The following SHROOM2 variants were observed in gnomAD, a reference collection of about 807,000 sequenced individuals.
SHROOM2 encodes shroom family member 2, also known as protein Shroom2.
SHROOM2 carries 33 observed loss-of-function variants against 75.9 expected under a neutral mutation model. The observed-to-expected ratio is 0.43, with a 90% CI of 0.33 to 0.58. The LOEUF is 0.58. SHROOM2 is among the 20% of genes least tolerant of loss of function. SHROOM2 has a pLI of 0.04. For missense variants in SHROOM2, 1,434 were observed against 1,461.2 expected, an observed-to-expected ratio of 0.98 and a Z score of 0.30; for synonymous variants, 655 against 663.6, an observed-to-expected ratio of 0.99 and a Z score of 0.20.
At chrX:9,817,427 G>A (rs1168368358) in intron 1 of SHROOM2, among the ~76,000 whole-genome samples, 3 of 110,260 alleles carry the variant, frequency 2.7e-5, no homozygotes, top group African/African-American at 6.6e-5. Context: ...TTTTTTAATT[G>A]TACCCCAAAG....
At chrX:9,908,153 G>C (rs758973176) in intron 5 of SHROOM2, among the ~76,000 whole-genome samples, 4 of 112,784 alleles carry the variant, frequency 3.5e-5, no homozygotes, top group Non-Finnish European at 7.5e-5. Flanking sequence ...TCCAAGTAGA[G>C]GGGGCTGTAG....
intron 3 of SHROOM2, among the ~76,000 whole-genome samples, chrX:9,893,095 A>ATAT (rs200771047): frequency 1.4e-3 from 154 of 108,803 alleles, no homozygotes; most frequent in East Asian, 8.3e-3. Context: ...GCAGTGTGTG[A>ATAT]TATTATTATT....
rs758068903 is a variant in SHROOM2, at chrX:9,873,738, G to T, written c.252G>T (p.Gly84=). The T allele has an allele frequency of 8.3e-7, 1 of 1,209,767 alleles. No homozygotes were observed. The highest frequency in any genetic ancestry group is 1.1e-6 in the Non-Finnish European group (1 of 895,098). Residue 84 remains glycine (G), a synonymous_variant, in exon 2 of 10, where the codon GGG becomes GGT. Transcript: ENST00000380913. ...GCATCAATGACATTGGTCTCTCAGGGTTTAGACAGGAAGCGATTTGCCTGG... is the reference window on the plus strand; with the variant it reads ...GCATCAATGACATTGGTCTCTCAGGTTTTAGACAGGAAGCGATTTGCCTGG... ...IVGINDIGLS[G]FRQEAICLVK... is the part of the protein sequence containing the mutation.
chrX:9,944,694 C>T lies in SHROOM2; in HGVS notation c.4365C>T (p.Arg1455=), dbSNP rs770146428. The change falls in exon 9 of 10, where the codon CGC becomes CGT. Residue 1455 remains arginine, a synonymous_variant. Transcript: ENST00000380913. ...SRKLQVLREA[R]ESLLEDVQAN... ...AGCTGCAGGTGCTCCGGGAGGCCCG[C>T]GAGAGCCTGCTGGAGGACGTGCAGG... 5 of 1,210,833 alleles carry T rather than the reference C, an allele frequency of 4.1e-6. No individual in the cohort carries two copies. In the South Asian group the frequency reaches 5.3e-5, roughly 13 times the overall value.
intron 1 of SHROOM2, among the ~76,000 whole-genome samples, chrX:9,788,081 T>C (rs756756312): frequency 2.7e-5 from 3 of 109,359 alleles, no homozygotes; most frequent in Non-Finnish European, 5.7e-5. Context: ...GTTAATTTTT[T>C]AAAATTTTTT....
At chrX:9,878,198 A>G (rs1281205096) in intron 2 of SHROOM2, among the ~76,000 whole-genome samples, 2 of 111,723 alleles carry the variant, frequency 1.8e-5, no homozygotes, top group African/African-American at 6.5e-5. Flanking sequence ...TCCACCTGCC[A>G]CCTTGTCACA....
intron 5 of SHROOM2, among the ~76,000 whole-genome samples, chrX:9,920,393 G>C (rs1224414959): frequency 8.9e-6 from 1 of 112,261 alleles, no homozygotes; most frequent in Non-Finnish European, 1.9e-5. Flanking sequence ...CACATTTGTG[G>C]CTCAGAAGAG....
intron 1 of SHROOM2, among the ~76,000 whole-genome samples, chrX:9,802,343 T>C (rs2083728143): frequency 8.9e-6 from 1 of 112,473 alleles, no homozygotes; most frequent in South Asian, 3.7e-4. Flanking sequence ...ACCTGCTGAA[T>C]CAGAACCCAT....
intron 1 of SHROOM2, among the ~76,000 whole-genome samples, chrX:9,787,546 C>T (rs2083621908): frequency 8.9e-6 from 1 of 112,342 alleles, no homozygotes; most frequent in Non-Finnish European, 1.9e-5. Flanking sequence ...GGACGAAGTT[C>T]CTTTTAAAAT....
At chrX:9,844,991 C>T (rs1267052386) in intron 1 of SHROOM2, among the ~76,000 whole-genome samples, 2 of 111,178 alleles carry the variant, frequency 1.8e-5, no homozygotes, top group Non-Finnish European at 3.8e-5. Context: ...AAGTATTTCT[C>T]TAGCGTGGGA....
Position 9,939,277 on chromosome X carries a change from C to T in SHROOM2, c.4222C>T (p.Leu1408=). The change falls in exon 8 of 10, where the codon CTG becomes TTG. Residue 1408 remains leucine (L), a synonymous_variant. Coordinates refer to ENST00000380913, the MANE Select transcript of SHROOM2 (RefSeq NM_001649.4). The part of the protein sequence containing the change: ...YYSTSAPKAE[L]LIKMKDLQEQ... ...CAGCACGTCGGCCCCCAAGGCGGAG[C>T]TGCTGATCAAGATGAAGGACCTGCA... 1 of 1,210,293 alleles carries T rather than the reference C, an allele frequency of 8.3e-7. No individual in the cohort carries two copies.
At chrX:9,793,112 T>A (rs2083676164) in intron 1 of SHROOM2, among the ~76,000 whole-genome samples, 1 of 111,696 alleles carries the variant, frequency 9.0e-6, no homozygotes, top group Non-Finnish European at 1.9e-5. Context: ...ATGCTACTGG[T>A]CATTTGGCCT....
At chrX:9,829,191 C>T (rs1320488447) in intron 1 of SHROOM2, among the ~76,000 whole-genome samples, 1 of 111,462 alleles carries the variant, frequency 9.0e-6, no homozygotes, top group Admixed American at 9.5e-5. Context: ...CCCCGGCTAA[C>T]TTTTGTATTT....
At position 9,809,112 on chromosome X, in the gene SHROOM2, G is replaced by C. The variant is rs370286900; in HGVS notation, c.165+22402G>C. Among the ~76,000 whole-genome samples, 6 of 102,279 alleles carry C rather than the reference G, an allele frequency of 5.9e-5. No homozygotes were observed. In the East Asian group the frequency reaches 1.2e-3, roughly 21 times the overall value. 88.8% of individuals were successfully genotyped at this position (102,279 alleles called of 115,157 possible). On this transcript the variant is annotated intron_variant, in intron 1 of 9. Transcript: ENST00000380913. ...TTCTCTTATTAGTCAGGGTTCTCTA[G>C]AGAGACAGAACTAATAGGAAATATA...
chrX:9,942,651 A>G (rs1026992650), intron 8 of SHROOM2, among the ~76,000 whole-genome samples: 1 of 111,795 alleles, frequency 8.9e-6, no homozygotes, highest in Non-Finnish European at 1.9e-5. Context: ...GGGGTGCGGA[A>G]GAGCTTCCAT....
chrX:9,876,412 GTTC>G (rs1300216171), intron 2 of SHROOM2, among the ~76,000 whole-genome samples: 1 of 111,740 alleles, frequency 8.9e-6, no homozygotes, highest in East Asian at 2.8e-4. Flanking sequence ...TTTCAAAATT[GTTC>G]TTCTTAAAGC....
chrX:9,822,447 A>G (rs2083858095), intron 1 of SHROOM2, among the ~76,000 whole-genome samples: 1 of 112,496 alleles, frequency 8.9e-6, no homozygotes, highest in South Asian at 3.7e-4. Flanking sequence ...AGTTACAGGG[A>G]GGAATTAGGA....
At chrX:9,902,011 T>G (rs2084367949) in intron 5 of SHROOM2, among the ~76,000 whole-genome samples, 1 of 109,178 alleles carries the variant, frequency 9.2e-6, no homozygotes, top group African/African-American at 3.3e-5. Context: ...GGTGGGTGGA[T>G]GAATAGTTGG....
chrX:9,794,984 G>A (rs761079528), intron 1 of SHROOM2, among the ~76,000 whole-genome samples: 2 of 112,460 alleles, frequency 1.8e-5, no homozygotes, highest in African/African-American at 6.5e-5. Context: ...TTCTCCCACA[G>A]CACTCTGAAG....
Sources: gnomAD v4.1 joint callset for allele counts (sites outside exome capture counted in the v4.1 genomes callset) on GRCh38, gnomAD v4.1.1 for gene constraint, MANE v1.5 for transcripts, NCBI Gene and HGNC (gene_info 2026-07-23, HGNC 2026-07-21) for gene names.